The following ADAMTS17 variants were observed in gnomAD, a reference collection of about 807,000 sequenced individuals.
ADAMTS17 encodes A disintegrin and metalloproteinase with thrombospondin motifs 17.
A neutral mutation model predicts 141.5 loss-of-function variants in ADAMTS17; 113 were observed. That is an observed-to-expected ratio of 0.80 (90% CI 0.69 to 0.93). The LOEUF is 0.93. Among genes scored for constraint, ADAMTS17 ranks in the 40% least tolerant of loss-of-function variants. The pLI is 0.00. For missense variants in ADAMTS17, 1,659 were observed against 1,517.9 expected (o/e 1.09, Z -1.54); for synonymous variants, 768 against 630.6 (o/e 1.22, Z -3.27).
At chr15:100,060,510 C>A (rs1248777568) in intron 15 of ADAMTS17, among the ~76,000 whole-genome samples, 1 of 152,220 alleles carries the variant, frequency 6.6e-6, no homozygotes, top group Non-Finnish European at 1.5e-5. Context: ...GGCACTGCTC[C>A]TTTTCAGAGC....
intron 3 of ADAMTS17, among the ~76,000 whole-genome samples, chr15:100,313,361 C>T (rs1023915290): frequency 2.6e-5 from 4 of 152,150 alleles, no homozygotes; most frequent in Admixed American, 1.3e-4. Context: ...TTAAGGTTGT[C>T]ATAACATTAG....
intron 2 of ADAMTS17, among the ~76,000 whole-genome samples, chr15:100,335,085 G>A (rs2587816): frequency 0.17 from 26,060 of 151,894 alleles, 2,769 homozygotes; most frequent in African/African-American, 0.29. Flanking sequence ...CAGCACCCCC[G>A]GGGGAACTTG....
chr15:100,249,165 G>A (rs1469978125), intron 7 of ADAMTS17, among the ~76,000 whole-genome samples: 1 of 152,194 alleles, frequency 6.6e-6, no homozygotes, highest in Non-Finnish European at 1.5e-5. Flanking sequence ...ACAGAGGAGT[G>A]TGGTGAGGCC....
At chr15:100,261,234 G>A (rs1425367297) in intron 6 of ADAMTS17, among the ~76,000 whole-genome samples, 1 of 152,156 alleles carries the variant, frequency 6.6e-6, no homozygotes, top group Non-Finnish European at 1.5e-5. Flanking sequence ...TCACAGGCAG[G>A]GAAAATGCCA....
At chr15:100,241,659 C>A (rs1350894955) in intron 7 of ADAMTS17, among the ~76,000 whole-genome samples, 1 of 152,216 alleles carries the variant, frequency 6.6e-6, no homozygotes, top group Non-Finnish European at 1.5e-5. Context: ...GTATCACTTC[C>A]ACCCCATTCC....
intron 7 of ADAMTS17, among the ~76,000 whole-genome samples, chr15:100,215,331 C>T (rs186264419): frequency 1.1e-3 from 165 of 152,316 alleles, no homozygotes; most frequent in Non-Finnish European, 1.5e-3. Flanking sequence ...GTCTGGATCT[C>T]GTCTGGAACA....
At chr15:100,145,983 G>C (rs891060499) in intron 10 of ADAMTS17, among the ~76,000 whole-genome samples, 8 of 152,184 alleles carry the variant, frequency 5.3e-5, no homozygotes, top group Non-Finnish European at 8.8e-5. Flanking sequence ...GACCAGCCTA[G>C]CCAACACGGT....
intron 3 of ADAMTS17, among the ~76,000 whole-genome samples, chr15:100,327,222 C>A (rs897029353): frequency 3.9e-5 from 6 of 152,186 alleles, no homozygotes; most frequent in African/African-American, 1.4e-4. Flanking sequence ...ATTATACGTG[C>A]AAATTCTTGC....
At chr15:100,298,120 C>T (rs573295328) in intron 3 of ADAMTS17, among the ~76,000 whole-genome samples, 3 of 151,954 alleles carry the variant, frequency 2.0e-5, no homozygotes, top group East Asian at 1.9e-4. Context: ...ATGTTTGGCC[C>T]GCGAGGAAAT....
At chr15:100,095,997 T>C (rs1024166858) in intron 15 of ADAMTS17, among the ~76,000 whole-genome samples, 1 of 152,152 alleles carries the variant, frequency 6.6e-6, no homozygotes, top group Non-Finnish European at 1.5e-5. Context: ...ACGTCTTCCA[T>C]CGACAGGTAA....
At chr15:100,229,568 T>C (rs1431263075) in intron 7 of ADAMTS17, among the ~76,000 whole-genome samples, 2 of 152,120 alleles carry the variant, frequency 1.3e-5, no homozygotes, top group East Asian at 3.9e-4. Context: ...CTGGTCCCGC[T>C]AAACTAAAAA....
Position 100,296,175 on chromosome 15 carries a change from G to C in ADAMTS17, c.617-14774C>G, listed in dbSNP as rs185702108. Among the ~76,000 whole-genome samples the C allele has an allele frequency of 2.6e-5, 4 of 152,250 alleles. No individual in the cohort carries two copies. The East Asian group carries it at 5.8e-4, about 22-fold the overall frequency. On this transcript the variant is annotated intron_variant, in intron 3 of 21. Coordinates refer to ENST00000268070, the MANE Select transcript of ADAMTS17 (RefSeq NM_139057.4). ...CAGTGAGCCGGCAGCAGGTTTTCAG[G>C]TGTCGTACCGAGTTTGAACACACGC... is the stretch of plus-strand genomic sequence containing the variant.
intron 7 of ADAMTS17, among the ~76,000 whole-genome samples, chr15:100,201,281 G>C (rs1191629095): frequency 6.6e-6 from 1 of 152,206 alleles, no homozygotes; most frequent in African/African-American, 2.4e-5. Flanking sequence ...GGGACAGTGA[G>C]TTAGTTCTCA....
At chr15:100,037,069 A>G (rs2030793733) in intron 18 of ADAMTS17, among the ~76,000 whole-genome samples, 1 of 152,198 alleles carries the variant, frequency 6.6e-6, no homozygotes, top group Non-Finnish European at 1.5e-5. Context: ...TTGGGTATAT[A>G]CATAGTACTG....
intron 7 of ADAMTS17, among the ~76,000 whole-genome samples, chr15:100,248,868 G>A (rs534077224): frequency 6.6e-6 from 1 of 150,876 alleles, no homozygotes; most frequent in Non-Finnish European, 1.5e-5. Context: ...GTGCGATCTC[G>A]GCTCACTGCA....
chr15:100,077,864 C>T (rs28797897), intron 15 of ADAMTS17, among the ~76,000 whole-genome samples: 23,706 of 151,932 alleles, frequency 0.16, 3,563 homozygotes, highest in African/African-American at 0.4. Flanking sequence ...CAGAAAATCC[C>T]AAGGAATCCA....
chr15:100,123,166 C>G (rs560430259), intron 12 of ADAMTS17, among the ~76,000 whole-genome samples: 1 of 152,122 alleles, frequency 6.6e-6, no homozygotes, highest in Non-Finnish European at 1.5e-5. Flanking sequence ...GCGGGGCCAG[C>G]GAGTGCAGCA....
chr15:100,282,790 CCAA>C (rs2044327493), intron 3 of ADAMTS17, among the ~76,000 whole-genome samples: 1 of 152,018 alleles, frequency 6.6e-6, no homozygotes, highest in Non-Finnish European at 1.5e-5. Flanking sequence ...ATAGATAAAG[CCAA>C]CAACAGTAAA....
At chr15:100,051,432 G>T in intron 17 of ADAMTS17, 140 bp downstream of exon 17, 1 of 1,254,946 alleles carries the variant, frequency 8.0e-7, no homozygotes, top group Non-Finnish European at 1.2e-6. Flanking sequence ...TCTGCAGAGA[G>T]ATTTTCGGTG....
Sources: gnomAD v4.1 joint callset for allele counts (sites outside exome capture counted in the v4.1 genomes callset) on GRCh38, gnomAD v4.1.1 for gene constraint, MANE v1.5 for transcripts, NCBI Gene and HGNC (gene_info 2026-07-23, HGNC 2026-07-21) for gene names.